The following STIM1 variants were observed in gnomAD, a reference collection of about 807,000 sequenced individuals.
STIM1 encodes stromal interaction molecule 1.
Under a neutral mutation model 74.7 loss-of-function variants are expected in STIM1, and 25 were observed. The ratio of observed to expected loss-of-function variants is 0.33; its 90% CI spans 0.24 to 0.47. The LOEUF (loss-of-function observed/expected upper bound fraction) is 0.47. Ranked by LOEUF, STIM1 falls within the 20% of genes least tolerant of loss-of-function variation. The pLI is 1.00. For synonymous variants in STIM1, 328 were observed against 348.8 expected, an observed-to-expected ratio of 0.94 and a Z score of 0.66; for missense variants, 728 against 920.8, an observed-to-expected ratio of 0.79 and a Z score of 2.71.
At chr11:4,079,053 A>C (rs1431368766) in intron 7 of STIM1, among the ~76,000 whole-genome samples, 3 of 152,176 alleles carry the variant, frequency 2.0e-5, no homozygotes, top group Non-Finnish European at 4.4e-5. Flanking sequence ...GCACTTTGGG[A>C]GGCCAAAGCG....
At chr11:4,007,375 G>T (rs999538065) in intron 2 of STIM1, among the ~76,000 whole-genome samples, 3 of 152,172 alleles carry the variant, frequency 2.0e-5, no homozygotes, top group African/African-American at 7.2e-5. Context: ...TTTAAACTTT[G>T]TCTTAAATCA....
In STIM1 at chr11:4,080,467, G is replaced by GTTTTTTT. The variant is rs753798798; in HGVS notation, c.970-1706_970-1700dup. The stretch of plus-strand genomic sequence containing the variant: ...AGTTATTTCTCTCTTTAACCAAACA[G>GTTTTTTT]TTTTTTTTTTTTTTTTTGAGACAGT... On this transcript the variant is annotated intron_variant, in intron 7 of 12. Coordinates refer to ENST00000526596, the MANE Select transcript of STIM1 (RefSeq NM_001382567.1). Among the ~76,000 whole-genome samples the GTTTTTTT allele has an allele frequency of 5.4e-5, 7 of 129,754 alleles. 1 individual carries two copies. Among genetic ancestry groups the GTTTTTTT allele is most frequent in the Non-Finnish European group, 6.4e-5 (4 of 62,584 alleles). 85.1% of individuals were successfully genotyped at this position (129,754 alleles called of 152,430 possible).
chr11:4,028,677 T>A (rs2094020716), intron 3 of STIM1, among the ~76,000 whole-genome samples: 1 of 152,062 alleles, frequency 6.6e-6, no homozygotes. Context: ...TCCAAAGTTC[T>A]AGGATTACAG....
chr11:4,024,433 T>C (rs2093982603), intron 3 of STIM1, among the ~76,000 whole-genome samples: 1 of 152,210 alleles, frequency 6.6e-6, no homozygotes, highest in Admixed American at 6.5e-5. Flanking sequence ...ACCATCTTGA[T>C]TGAAAGCTTT....
chr11:4,049,324 A>AT (rs369097214), intron 3 of STIM1, among the ~76,000 whole-genome samples: 37,695 of 133,702 alleles, frequency 0.28, 5,987 homozygotes, highest in South Asian at 0.47. Flanking sequence ...TATCAGCTGG[A>AT]TTTTTTTTTT....
At chr11:4,017,048 C>A (rs940103442) in intron 2 of STIM1, among the ~76,000 whole-genome samples, 2 of 152,214 alleles carry the variant, frequency 1.3e-5, no homozygotes, top group African/African-American at 4.8e-5. Flanking sequence ...AATGCCCCAC[C>A]CTGCTTTGGC....
At chr11:4,087,717 G>A (rs1240446125) in intron 12 of STIM1, among the ~76,000 whole-genome samples, 3 of 151,464 alleles carry the variant, frequency 2.0e-5, no homozygotes, top group Non-Finnish European at 2.9e-5. Flanking sequence ...AAACATTCCA[G>A]TAGACCACTA....
chr11:3,981,102 A>G (rs2093500208), intron 2 of STIM1, among the ~76,000 whole-genome samples: 1 of 151,974 alleles, frequency 6.6e-6, no homozygotes, highest in Admixed American at 6.6e-5. Context: ...GGTTCCGATG[A>G]TTCTTCTGCC....
chr11:4,064,797 C>A (rs2094354742), intron 5 of STIM1, among the ~76,000 whole-genome samples: 1 of 152,158 alleles, frequency 6.6e-6, no homozygotes, highest in Admixed American at 6.5e-5. Context: ...TAGCACACTG[C>A]CCTTTAGGAT....
chr11:3,901,921 C>G (rs559509379), intron 1 of STIM1, among the ~76,000 whole-genome samples: 74 of 152,256 alleles, frequency 4.9e-4, no homozygotes, highest in Middle Eastern at 3.4e-3. Context: ...GCACGTGCCA[C>G]GATGCCCAGC....
chr11:3,998,174 A>G (rs1227677035), intron 2 of STIM1, among the ~76,000 whole-genome samples: 2 of 152,152 alleles, frequency 1.3e-5, no homozygotes, highest in East Asian at 3.9e-4. Flanking sequence ...TTACTCATTT[A>G]TGCTTCCCTC....
Position 4,091,735 on chromosome 11 carries a change from A to G in STIM1, c.2088A>G (p.Thr696=), listed in dbSNP as rs756775440. 8 of 1,613,656 alleles carry G rather than the reference A, an allele frequency of 5.0e-6. No homozygotes were observed. The highest frequency in any genetic ancestry group is 1.6e-4 in the Middle Eastern group (1 of 6,062). ...EEDNGSIGEE[T]DSSPGRKKFP... is the part of the protein sequence containing the mutation. ...ATAATGGCTCTATTGGCGAGGAAAC[A>G]GACTCCAGCCCAGGCCGGAAGAAGT... The change falls in exon 13 of 13, where the codon ACA becomes ACG. Residue 696 remains threonine, a synonymous_variant. Transcript: ENST00000526596.
At chr11:4,070,258 T>A in intron 6 of STIM1, 55 bp downstream of exon 6, 1 of 1,605,200 alleles carries the variant, frequency 6.2e-7, no homozygotes, top group Non-Finnish European at 8.5e-7. Flanking sequence ...GGGAACCTCC[T>A]ATTTCCACCT....
At chr11:4,004,890 G>GA in intron 2 of STIM1, among the ~76,000 whole-genome samples, 1 of 151,952 alleles carries the variant, frequency 6.6e-6, no homozygotes, top group East Asian at 1.9e-4. Context: ...AAACTTACAA[G>GA]AAAAAAACAG....
intron 1 of STIM1, among the ~76,000 whole-genome samples, chr11:3,941,180 A>G (rs142710126): frequency 2.1e-3 from 326 of 152,346 alleles, no homozygotes; most frequent in African/African-American, 7.1e-3. Context: ...ACAAAAGAGT[A>G]CATGCCTCTA....
chr11:4,056,808 A>G (rs931286589), intron 4 of STIM1, among the ~76,000 whole-genome samples: 5 of 152,156 alleles, frequency 3.3e-5, no homozygotes, highest in Non-Finnish European at 5.9e-5. Flanking sequence ...GATTCTCACA[A>G]CTCTGGGAGG....
intron 3 of STIM1, among the ~76,000 whole-genome samples, chr11:4,045,034 G>C (rs1433109958): frequency 2.0e-5 from 3 of 152,182 alleles, no homozygotes; most frequent in African/African-American, 7.2e-5. Flanking sequence ...CTGGTCTAGA[G>C]TGACTTCTGC....
At position 3,985,209 on chromosome 11, in the gene STIM1, C is replaced by T. The variant is rs191751629; in HGVS notation, c.270+17527C>T. ...AGCAGGCTGTTGTTTTCCTTCCCCC[C>T]TCTTTGTTATTGAGTCTGCTTTGTC... is the stretch of plus-strand genomic sequence containing the variant. On this transcript the variant is annotated intron_variant, in intron 2 of 12. Coordinates refer to ENST00000526596, the MANE Select transcript of STIM1 (RefSeq NM_001382567.1). Among the ~76,000 whole-genome samples the T allele has an allele frequency of 2.8e-3, 425 of 152,316 alleles. 4 individuals are homozygous for T. Among genetic ancestry groups the T allele is most frequent in the African/African-American group, 9.8e-3 (407 of 41,572 alleles).
intron 2 of STIM1, among the ~76,000 whole-genome samples, chr11:3,995,219 G>A (rs542741320): frequency 2.0e-4 from 31 of 151,926 alleles, no homozygotes; most frequent in Admixed American, 5.2e-4. Flanking sequence ...TCACACTTTC[G>A]TGTTTCTTTG....
Sources: gnomAD v4.1 joint callset for allele counts (sites outside exome capture counted in the v4.1 genomes callset) on GRCh38, gnomAD v4.1.1 for gene constraint, MANE v1.5 for transcripts, NCBI Gene and HGNC (gene_info 2026-07-23, HGNC 2026-07-21) for gene names.